Variants in LRRIQ3 observed in about 807,000 individuals in gnomAD.
LRRIQ3 encodes leucine-rich repeat and IQ domain-containing protein 3.
A neutral mutation model predicts 59.3 loss-of-function variants in LRRIQ3; 75 were observed. The observed-to-expected ratio is 1.26, with a 90% CI of 1.05 to 1.53. The LOEUF (loss-of-function observed/expected upper bound fraction) is 1.53. LRRIQ3 is among the 40% of genes most tolerant of loss of function. The probability of loss-of-function intolerance (pLI) is 0.00; values close to 1 mark genes in which losing one functional copy is unlikely to be tolerated. For synonymous variants in LRRIQ3, 250 were observed against 231.3 expected, an observed-to-expected ratio of 1.08 and a Z score of -0.73; for missense variants, 831 against 710.0, an observed-to-expected ratio of 1.17 and a Z score of -1.94.
At chr1:74,078,881 A>T (rs1397197184) in intron 5 of LRRIQ3, among the ~76,000 whole-genome samples, 1 of 151,872 alleles carries the variant, frequency 6.6e-6, no homozygotes, top group African/African-American at 2.4e-5. Flanking sequence ...ATAATGCAGA[A>T]AAAAATAATT....
At chr1:74,046,885 C>A (rs1654220504) in intron 6 of LRRIQ3, among the ~76,000 whole-genome samples, 3 of 152,094 alleles carry the variant, frequency 2.0e-5, no homozygotes, top group Admixed American at 2.0e-4. Context: ...AAATGCAACA[C>A]AAAACCACAA....
At chr1:74,138,801 C>CA (rs1304808231) in intron 4 of LRRIQ3, among the ~76,000 whole-genome samples, 1 of 151,850 alleles carries the variant, frequency 6.6e-6, no homozygotes, top group African/African-American at 2.4e-5. Flanking sequence ...AACTGGGTTA[C>CA]ATATGAAATT....
intron 4 of LRRIQ3, among the ~76,000 whole-genome samples, chr1:74,109,775 T>A (rs973335413): frequency 1.3e-5 from 2 of 151,780 alleles, no homozygotes; most frequent in Non-Finnish European, 3.0e-5. Flanking sequence ...TCAGCTGATA[T>A]GAATCTACAA....
Position 74,132,700 on chromosome 1 carries a change from T to C in LRRIQ3, c.707+23033A>G, listed in dbSNP as rs187831974. On this transcript the variant is annotated intron_variant, in intron 4 of 7. Transcript: ENST00000354431. ...AACTGGATGCCTTCCTTATACCTTA[T>C]ACAAAAATTAATTCAAGATGGATTA... Among the ~76,000 whole-genome samples, 543 of 152,250 alleles carry C rather than the reference T, an allele frequency of 3.6e-3. 5 individuals carry two copies. Among genetic ancestry groups the C allele is most frequent in the African/African-American group, 0.012 (498 of 41,544 alleles).
At chr1:74,184,500 G>A (rs926473795) in intron 1 of LRRIQ3, among the ~76,000 whole-genome samples, 1 of 152,054 alleles carries the variant, frequency 6.6e-6, no homozygotes, top group Non-Finnish European at 1.5e-5. Context: ...CGATTTCTAC[G>A]ATGTGCAGAT....
At chr1:74,081,097 T>C (rs1646269054) in intron 5 of LRRIQ3, among the ~76,000 whole-genome samples, 1 of 151,648 alleles carries the variant, frequency 6.6e-6, no homozygotes, top group South Asian at 2.1e-4. Flanking sequence ...GCTACTATCC[T>C]GCATTTGATA....
chr1:74,119,653 C>T (rs1646824994), intron 4 of LRRIQ3, among the ~76,000 whole-genome samples: 1 of 152,092 alleles, frequency 6.6e-6, no homozygotes, highest in Admixed American at 6.6e-5. Flanking sequence ...GAAAGATAAA[C>T]AATTTTACCA....
intron 6 of LRRIQ3, among the ~76,000 whole-genome samples, chr1:74,069,662 T>A (rs759986796): frequency 6.6e-6 from 1 of 152,004 alleles, no homozygotes; most frequent in Non-Finnish European, 1.5e-5. Flanking sequence ...TACAAGTAAA[T>A]TACCATTTAT....
At chr1:74,146,891 A>G (rs1647604337) in intron 4 of LRRIQ3, among the ~76,000 whole-genome samples, 1 of 152,224 alleles carries the variant, frequency 6.6e-6, no homozygotes, top group Non-Finnish European at 1.5e-5. Flanking sequence ...AGACCTAAAT[A>G]GTTAATATTG....
intron 4 of LRRIQ3, among the ~76,000 whole-genome samples, chr1:74,139,142 A>G (rs1470902668): frequency 7.1e-6 from 1 of 140,114 alleles, no homozygotes; most frequent in African/African-American, 2.9e-5. Flanking sequence ...ATATATATAC[A>G]TGTGTGTGTG....
chr1:74,041,502 C>A lies in LRRIQ3; in HGVS notation c.1429G>T (p.Glu477Ter). 6.2e-7 allele frequency: 1 copy of A among 1,611,544 alleles called. No individual in the cohort carries two copies. The highest frequency in any genetic ancestry group is 1.1e-5 in the South Asian group (1 of 90,340). ...ATQKLIEENK[E>*]TIQNSLRQVW... is the part of the protein sequence containing the mutation. ...TGTCGTAAACTGTTCTGAATTGTCT[C>A]TTTATTTTCTTCAATTAGTTTTTGT... The change falls in exon 7 of 8, where the codon GAG (glutamate) becomes TAG (stop). Residue 477 changes from glutamate to a stop codon, truncating the protein, a stop_gained. Transcript: ENST00000354431. LOFTEE classifies it high-confidence loss of function.
intron 7 of LRRIQ3, among the ~76,000 whole-genome samples, chr1:74,040,803 A>C (rs1252615939): frequency 6.6e-6 from 1 of 152,210 alleles, no homozygotes; most frequent in Non-Finnish European, 1.5e-5. Context: ...TTAAGAGGGA[A>C]ATTTATAGCA....
At chr1:74,039,861 T>C (rs1653989898) in intron 7 of LRRIQ3, among the ~76,000 whole-genome samples, 1 of 152,024 alleles carries the variant, frequency 6.6e-6, no homozygotes, top group African/African-American at 2.4e-5. Flanking sequence ...AATGACACTA[T>C]GAAGAAACTG....
intron 3 of LRRIQ3, among the ~76,000 whole-genome samples, chr1:74,163,673 G>C (rs1648792089): frequency 1.3e-5 from 2 of 151,438 alleles, no homozygotes; most frequent in African/African-American, 4.8e-5. Flanking sequence ...AGGACATCTA[G>C]GTATTTTCCA....
chr1:74,131,814 C>G (rs1249825897), intron 4 of LRRIQ3, among the ~76,000 whole-genome samples: 2 of 152,108 alleles, frequency 1.3e-5, no homozygotes, highest in Admixed American at 6.6e-5. Flanking sequence ...TGAAAACTGG[C>G]ACAAGACAGG....
chr1:74,043,994 G>A (rs553864953), intron 6 of LRRIQ3, among the ~76,000 whole-genome samples: 55 of 151,752 alleles, frequency 3.6e-4, no homozygotes, highest in Middle Eastern at 6.8e-3. Context: ...GTCTTTTCAC[G>A]TCATATTTTC....
Position 74,054,757 on chromosome 1 carries a change from T to TA in LRRIQ3, c.998-12825_998-12824insT, listed in dbSNP as rs71244417. On this transcript the variant is annotated intron_variant, in intron 6 of 7. Transcript: ENST00000354431. ...AAACACAAATATATATATATATATA[T>TA]CTATATATCTACATACACATACATA... Among the ~76,000 whole-genome samples the TA allele has an allele frequency of 3.2e-3, 434 of 134,156 alleles. 1 individual carries two copies. The highest frequency in any genetic ancestry group is 0.012 in the African/African-American group (415 of 35,880). 88.0% of individuals were successfully genotyped at this position (134,156 alleles called of 152,430 possible).
At chr1:74,186,942 T>C (rs1280159276) in intron 1 of LRRIQ3, among the ~76,000 whole-genome samples, 6 of 151,252 alleles carry the variant, frequency 4.0e-5, no homozygotes, top group Non-Finnish European at 7.4e-5. Context: ...CAATGACTAT[T>C]ATAAGCAAGA....
At chr1:74,174,548 A>ATTT (rs34076332) in intron 3 of LRRIQ3, among the ~76,000 whole-genome samples, 1 of 134,636 alleles carries the variant, frequency 7.4e-6, no homozygotes, top group African/African-American at 2.8e-5. Flanking sequence ...ATGCCTGGCT[A>ATTT]TTTTTTTTTT....
Sources: allele counts gnomAD v4.1 joint callset (sites outside exome capture counted in the v4.1 genomes callset), GRCh38; gene constraint gnomAD v4.1.1; transcripts MANE v1.5; gene names NCBI Gene and HGNC (gene_info 2026-07-23, HGNC 2026-07-21).